KIZ: variants seen among roughly 807,000 people sequenced by gnomAD.
The protein encoded by KIZ is centrosomal protein kizuna.
In KIZ, 68 loss-of-function variants were observed where a neutral mutation model predicts 79.6. That is an observed-to-expected ratio of 0.85 (90% CI 0.70 to 1.05). The LOEUF (loss-of-function observed/expected upper bound fraction) is 1.05, where lower values mean the gene tolerates loss of function less well. Among genes scored for constraint, KIZ ranks in the 50% least tolerant of loss-of-function variants. KIZ has a pLI of 0.00. For synonymous variants in KIZ, 280 were observed against 281.8 expected, an observed-to-expected ratio of 0.99 and a Z score of 0.06; for missense variants, 797 against 800.4, an observed-to-expected ratio of 1.00 and a Z score of 0.05.
At chr20:21,180,557 A>G (rs1203651934) in intron 6 of KIZ, among the ~76,000 whole-genome samples, 1 of 152,084 alleles carries the variant, frequency 6.6e-6, no homozygotes, top group Non-Finnish European at 1.5e-5. Context: ...GCAAAACTCA[A>G]CTTCTTTCAA....
At chr20:21,192,279 ATT>A (rs1260846529) in intron 6 of KIZ, among the ~76,000 whole-genome samples, 33 of 91,090 alleles carry the variant, frequency 3.6e-4, no homozygotes, top group East Asian at 1.7e-3. Context: ...TCATTTCTGG[ATT>A]TTTTTTTTTT....
chr20:21,141,823 ACTCTCTCTCT>A (rs1229173337), intron 3 of KIZ, among the ~76,000 whole-genome samples: 25 of 104,060 alleles, frequency 2.4e-4, no homozygotes, highest in African/African-American at 9.1e-4. Context: ...ACACACACAC[ACTCTCTCTCT>A]CTCTCTCTCT....
At position 21,214,660 on chromosome 20, in the gene KIZ, AC is replaced by A; in HGVS notation, c.1574del (p.Pro525LeufsTer43). The A allele has an allele frequency of 6.2e-7, 1 of 1,613,038 alleles. No homozygotes were observed. The highest frequency in any genetic ancestry group is 1.1e-5 in the South Asian group (1 of 91,038). ...NDNSGIKEAK[P>X]AVWLNSVPTR... Reference sequence around the variant, plus strand: ...ACAATAGTGGAATAAAGGAAGCCAAACCTGCTGTATGGCTCAACAGTGTTCC... The same window carrying A: ...ACAATAGTGGAATAAAGGAAGCCAAACTGCTGTATGGCTCAACAGTGTTCC... On this transcript the variant is annotated frameshift_variant, in exon 8 of 13. Transcript: ENST00000619189. LOFTEE classifies it high-confidence loss of function.
chr20:21,149,102 G>A (rs369541741), intron 4 of KIZ, among the ~76,000 whole-genome samples: 1 of 152,112 alleles, frequency 6.6e-6, no homozygotes, highest in Non-Finnish European at 1.5e-5. Flanking sequence ...TTATAGTAAG[G>A]CTCAGAAAAT....
chr20:21,156,271 C>T (rs1224900542), intron 4 of KIZ, among the ~76,000 whole-genome samples: 1 of 152,140 alleles, frequency 6.6e-6, no homozygotes, highest in African/African-American at 2.4e-5. Flanking sequence ...TCAGATATTG[C>T]CAGTTTTTCC....
At chr20:21,188,214 G>A (rs1659834567) in intron 6 of KIZ, among the ~76,000 whole-genome samples, 2 of 152,134 alleles carry the variant, frequency 1.3e-5, no homozygotes, top group Non-Finnish European at 2.9e-5. Flanking sequence ...ATTGTGAGTC[G>A]TAAGACTCCC....
intron 11 of KIZ, among the ~76,000 whole-genome samples, chr20:21,238,844 C>G (rs951938515): frequency 2.6e-5 from 4 of 152,216 alleles, no homozygotes; most frequent in African/African-American, 9.6e-5. Flanking sequence ...CTGGCTGAGG[C>G]AGTTTCCCTG....
At chr20:21,155,126 T>TA (rs2033312532) in intron 4 of KIZ, among the ~76,000 whole-genome samples, 1 of 152,188 alleles carries the variant, frequency 6.6e-6, no homozygotes, top group Admixed American at 6.5e-5. Flanking sequence ...AAGTTAAACA[T>TA]ATAGTTACCG....
intron 6 of KIZ, chr20:21,195,100 G>A (rs1371822377): frequency 1.3e-5 from 2 of 152,216 alleles, no homozygotes; most frequent in African/African-American, 2.4e-5. Flanking sequence ...TTGTGCTAAA[G>A]AATTCAGGGG....
chr20:21,176,557 G>T (rs1235437687), intron 6 of KIZ, among the ~76,000 whole-genome samples: 11 of 118,896 alleles, frequency 9.3e-5, no homozygotes, highest in African/African-American at 3.1e-4. Flanking sequence ...ACATTACAAG[G>T]CACAAAAAAG....
intron 4 of KIZ, chr20:21,158,695 G>C (rs1423306443): frequency 6.6e-6 from 1 of 152,172 alleles, no homozygotes; most frequent in Non-Finnish European, 1.5e-5. Context: ...AGGACTAAAG[G>C]ATCATGGAGG....
At chr20:21,197,647 C>A (rs2035398077) in intron 6 of KIZ, 2 of 152,154 alleles carry the variant, frequency 1.3e-5, no homozygotes, top group East Asian at 1.9e-4. Context: ...TTAAAATTGC[C>A]GCATACACGC....
intron 7 of KIZ, among the ~76,000 whole-genome samples, chr20:21,212,361 G>A (rs1044925555): frequency 6.6e-6 from 1 of 152,110 alleles, no homozygotes; most frequent in Non-Finnish European, 1.5e-5. Context: ...ATTTTACAGT[G>A]GTGTGAAAGT....
chr20:21,157,742 G>A (rs1292399677), intron 4 of KIZ, among the ~76,000 whole-genome samples: 2 of 152,116 alleles, frequency 1.3e-5, no homozygotes, highest in South Asian at 2.1e-4. Flanking sequence ...CCCTCCTCAG[G>A]TGTCTTTCTC....
At chr20:21,220,186 ATTAG>A (rs1412404951) in intron 9 of KIZ, among the ~76,000 whole-genome samples, 1 of 150,266 alleles carries the variant, frequency 6.7e-6, no homozygotes, top group Non-Finnish European at 1.5e-5. Flanking sequence ...CCTTAATTAT[ATTAG>A]TTAATAAAAT....
intron 3 of KIZ, among the ~76,000 whole-genome samples, chr20:21,143,416 G>A (rs1331125956): frequency 6.6e-6 from 1 of 152,216 alleles, no homozygotes; most frequent in African/African-American, 2.4e-5. Flanking sequence ...AAGTGAGAAT[G>A]CAGAAAGTAT....
intron 2 of KIZ, among the ~76,000 whole-genome samples, chr20:21,135,087 G>A (rs543202684): frequency 4.5e-4 from 69 of 152,212 alleles, no homozygotes; most frequent in African/African-American, 1.6e-3. Context: ...CATTCATCAC[G>A]TATTTACTTA....
Position 21,162,039 on chromosome 20 carries a change from C to T in KIZ, c.574C>T (p.His192Tyr), listed in dbSNP as rs2033687913. The T allele has an allele frequency of 6.2e-7, 1 of 1,613,862 alleles. No individual in the cohort carries two copies. The highest frequency in any genetic ancestry group is 1.7e-5 in the Admixed American group (1 of 60,006). ...PTKNFSIPDP[H>Y]SHRQTAQSSN... ...AAAGAACTTTTCAATTCCTGACCCA[C>T]ATTCACACCGACAGACAGCCCAGAG... Residue 192 changes from histidine (H) to tyrosine (Y), a missense_variant, in exon 5 of 13, where the codon CAT becomes TAT. Coordinates refer to ENST00000619189, the MANE Select transcript of KIZ (RefSeq NM_018474.6).
At chr20:21,244,494 A>G in intron 12 of KIZ, 2 of 583,204 alleles carry the variant, frequency 3.4e-6, no homozygotes, top group Non-Finnish European at 6.1e-6. Context: ...GCCATGGACC[A>G]CAGGGGCAGA....
Sources: allele counts gnomAD v4.1 joint callset (sites outside exome capture counted in the v4.1 genomes callset), GRCh38; gene constraint gnomAD v4.1.1; transcripts MANE v1.5; gene names NCBI Gene and HGNC (gene_info 2026-07-23, HGNC 2026-07-21).